Variants in ELP4 observed in about 807,000 individuals in gnomAD.
ELP4 encodes elongator complex protein 4.
Under a neutral mutation model 48.9 loss-of-function variants are expected in ELP4, and 51 were observed. The ratio of observed to expected loss-of-function variants is 1.04; its 90% confidence interval spans 0.83 to 1.32. ELP4 has a LOEUF of 1.32. Among genes scored for constraint, ELP4 ranks in the 40% most tolerant of loss-of-function variants. The pLI, the probability that ELP4 is intolerant of heterozygous loss-of-function variation, is 0.00. For synonymous variants in ELP4, 210 were observed against 189.2 expected, an observed-to-expected ratio of 1.11 and a Z score of -0.90; for missense variants, 519 against 514.6, an observed-to-expected ratio of 1.01 and a Z score of -0.08.
At chr11:31,599,859 G>T (rs1388411131) in intron 4 of ELP4, 1 of 152,050 alleles carries the variant, frequency 6.6e-6, no homozygotes, top group Non-Finnish European at 1.5e-5. Flanking sequence ...ATTTGGGTGG[G>T]GACACAGAAC....
intron 2 of ELP4, among the ~76,000 whole-genome samples, chr11:31,535,206 C>CT (rs1956480096): frequency 6.6e-6 from 1 of 152,062 alleles, no homozygotes; most frequent in Non-Finnish European, 1.5e-5. Context: ...TGGATTTTCT[C>CT]TAAGATAATG....
At chr11:31,595,956 T>A (rs1207471041) in intron 4 of ELP4, among the ~76,000 whole-genome samples, 1 of 152,224 alleles carries the variant, frequency 6.6e-6, no homozygotes, top group Non-Finnish European at 1.5e-5. Flanking sequence ...TTGCTTCTTA[T>A]AAATTGCTTG....
rs187434110 is a variant in ELP4 at position 31,659,347 on chromosome 11, T to C, written c.1143+9126T>C. On this transcript the variant is annotated intron_variant, in intron 9 of 9. Transcript: ENST00000640961. ...CAGGTGCTGTCAAGTCAACCCACCA[T>C]TGTTGTAGAGAATCAAACTAAATCA... Among the ~76,000 whole-genome samples the C allele has an allele frequency of 9.1e-3, 1,389 of 152,234 alleles. 12 individuals carry two copies. The highest frequency in any genetic ancestry group is 0.027 in the South Asian group (131 of 4,828).
chr11:31,576,269 A>G (rs1301191329), intron 3 of ELP4, among the ~76,000 whole-genome samples: 4 of 152,252 alleles, frequency 2.6e-5, no homozygotes, highest in Admixed American at 6.5e-5. Flanking sequence ...CACCCAATGC[A>G]GGAGCACCCA....
chr11:31,549,466 T>C (rs1485488009), intron 3 of ELP4, among the ~76,000 whole-genome samples: 1 of 151,796 alleles, frequency 6.6e-6, no homozygotes, highest in African/African-American at 2.4e-5. Context: ...AGAATGGCAA[T>C]CATTAAAAAG....
At chr11:31,742,705 G>T (rs904236933) in intron 9 of ELP4, among the ~76,000 whole-genome samples, 23 of 152,182 alleles carry the variant, frequency 1.5e-4, no homozygotes, top group African/African-American at 4.8e-4. Flanking sequence ...AATGCTGAGA[G>T]ATTTTGTCAC....
intron 3 of ELP4, among the ~76,000 whole-genome samples, chr11:31,553,624 C>T (rs1373558547): frequency 1.3e-5 from 2 of 151,768 alleles, no homozygotes; most frequent in South Asian, 2.1e-4. Flanking sequence ...ATTAACTGTC[C>T]GAGGTCTCCA....
In ELP4 at chr11:31,539,574, T is replaced by C. The variant is rs540023113; in HGVS notation, c.260-88T>C. 5.8e-5 allele frequency: 78 copies of C among 1,355,482 alleles called. No homozygotes were observed. In the East Asian group the frequency reaches 1.8e-3, roughly 31 times the overall value. The allele number at this position is 1,355,482 out of a possible 1,614,324, so 84.0% of individuals were successfully genotyped here. A position where few individuals can be genotyped will look rare whatever the true frequency, so the allele number is the denominator to read the frequency against. On this transcript the variant is annotated intron_variant, in intron 2 of 9. Transcript: ENST00000640961. ...ATACTTGTTTTAAGGAAAAAAAATA[T>C]AAAAACATATGAGTGTGCTTGCTGT...
At chr11:31,768,259 C>T (rs1205532730) in intron 9 of ELP4, among the ~76,000 whole-genome samples, 1 of 152,118 alleles carries the variant, frequency 6.6e-6, no homozygotes, top group Non-Finnish European at 1.5e-5. Context: ...ACACACACAA[C>T]AGCATTTATC....
intron 9 of ELP4, among the ~76,000 whole-genome samples, chr11:31,655,675 G>A (rs766173015): frequency 2.6e-5 from 4 of 151,906 alleles, no homozygotes; most frequent in African/African-American, 9.7e-5. Context: ...ACAATCATGC[G>A]GTATTAAAGT....
chr11:31,567,667 T>A (rs796135579), intron 3 of ELP4, among the ~76,000 whole-genome samples: 27 of 152,342 alleles, frequency 1.8e-4, no homozygotes, highest in African/African-American at 6.5e-4. Flanking sequence ...TTGGAGATAA[T>A]GCAGGTTTGA....
chr11:31,735,340 C>T (rs1045271263), intron 9 of ELP4, among the ~76,000 whole-genome samples: 1 of 151,990 alleles, frequency 6.6e-6, no homozygotes, highest in African/African-American at 2.4e-5. Flanking sequence ...GTGAAAAGCA[C>T]AGGTAACAAA....
At chr11:31,591,978 A>G (rs1436889029) in intron 3 of ELP4, among the ~76,000 whole-genome samples, 1 of 152,196 alleles carries the variant, frequency 6.6e-6, no homozygotes, top group Non-Finnish European at 1.5e-5. Flanking sequence ...CATTACTCTA[A>G]ATGAAGGAAG....
intron 1 of ELP4, among the ~76,000 whole-genome samples, chr11:31,516,169 C>T (rs1956107873): frequency 6.6e-6 from 1 of 152,060 alleles, no homozygotes; most frequent in Non-Finnish European, 1.5e-5. Flanking sequence ...TATATAAATT[C>T]CTTATTTGAG....
chr11:31,549,528 C>T (rs1956800970), intron 3 of ELP4, among the ~76,000 whole-genome samples: 1 of 151,692 alleles, frequency 6.6e-6, no homozygotes, highest in African/African-American at 2.4e-5. Flanking sequence ...AACACTTTTA[C>T]ACTGTTGGTG....
chr11:31,653,187 T>C (rs1221916034), intron 9 of ELP4: 1 of 151,714 alleles, frequency 6.6e-6, no homozygotes, highest in African/African-American at 2.4e-5. Flanking sequence ...AATTAGCCCC[T>C]TTACAAAAAC....
chr11:31,700,468 T>C (rs966675967), intron 9 of ELP4, among the ~76,000 whole-genome samples: 1 of 152,084 alleles, frequency 6.6e-6, no homozygotes, highest in Non-Finnish European at 1.5e-5. Context: ...TAGCTTTATG[T>C]CCATGTAGAC....
In ELP4 at chr11:31,609,518, CTCTTTGAGGGATA is replaced by C. The variant is rs541532631; in HGVS notation, c.653+5620_653+5632del. Among the ~76,000 whole-genome samples the C allele has an allele frequency of 3.9e-3, 587 of 152,124 alleles. 5 individuals carry two copies. Among genetic ancestry groups the C allele is most frequent in the African/African-American group, 0.013 (560 of 41,498 alleles). ...AGAAATTCAGCAGGGTTTTCATCAG[CTCTTTGAGGGATA>C]TCTTTGAGTTTTTCATAATTTGCAG... On this transcript the variant is annotated intron_variant, in intron 5 of 9. Coordinates refer to ENST00000640961, the MANE Select transcript of ELP4 (RefSeq NM_019040.5).
chr11:31,667,810 A>C (rs1398234383), intron 9 of ELP4, among the ~76,000 whole-genome samples: 1 of 152,168 alleles, frequency 6.6e-6, no homozygotes, highest in African/African-American at 2.4e-5. Flanking sequence ...GAAAATGTCT[A>C]ACTTATACAC....
Sources: gnomAD v4.1 joint callset for allele counts (sites outside exome capture counted in the v4.1 genomes callset) on GRCh38, gnomAD v4.1.1 for gene constraint, MANE v1.5 for transcripts, NCBI Gene and HGNC (gene_info 2026-07-23, HGNC 2026-07-21) for gene names.